Variants in VAMP7 observed in about 807,000 individuals in gnomAD.
VAMP7 encodes vesicle-associated membrane protein 7.
VAMP7 carries 14 observed loss-of-function variants against 29.6 expected under a neutral mutation model. That is an observed-to-expected ratio of 0.47 (90% confidence interval 0.31 to 0.74). The LOEUF (loss-of-function observed/expected upper bound fraction) is 0.74. Among genes scored for constraint, VAMP7 ranks in the 30% least tolerant of loss-of-function variants. VAMP7 has a pLI of 0.05. For synonymous variants in VAMP7, 95 were observed against 88.1 expected (o/e 1.08, Z -0.44); for missense variants, 223 against 262.4 (o/e 0.85, Z 1.04).
intron 2 of VAMP7, among the ~76,000 whole-genome samples, chrX:155,892,060 G>C (rs1440093429): frequency 6.6e-6 from 1 of 152,138 alleles, no homozygotes; most frequent in Non-Finnish European, 1.5e-5. Context: ...CCAGAATTTA[G>C]TCACAGCCAT....
At chrX:155,884,788 A>G (rs2065846924) in intron 1 of VAMP7, among the ~76,000 whole-genome samples, 2 of 152,212 alleles carry the variant, frequency 1.3e-5, no homozygotes, top group East Asian at 3.9e-4. Context: ...ATTTCTCAAA[A>G]CACATGGACT....
At chrX:155,914,670 A>T (rs2066285415) in intron 5 of VAMP7, among the ~76,000 whole-genome samples, 1 of 151,988 alleles carries the variant, frequency 6.6e-6, no homozygotes. Context: ...ACGTTTATTG[A>T]TTTGCGTATG....
At chrX:155,940,847 CAG>C (rs1342903683) in intron 7 of VAMP7, among the ~76,000 whole-genome samples, 1 of 152,092 alleles carries the variant, frequency 6.6e-6, no homozygotes, top group African/African-American at 2.4e-5. Flanking sequence ...CATTAATAAA[CAG>C]AATTTGCTGT....
chrX:155,903,202 G>T (rs1400971757), intron 5 of VAMP7, among the ~76,000 whole-genome samples: 1 of 152,030 alleles, frequency 6.6e-6, no homozygotes, highest in African/African-American at 2.4e-5. Flanking sequence ...ATTTCTGTGG[G>T]ATCGGTGGTG....
At chrX:155,912,218 C>T (rs1450347730) in intron 5 of VAMP7, among the ~76,000 whole-genome samples, 1 of 151,664 alleles carries the variant, frequency 6.6e-6, no homozygotes, top group Non-Finnish European at 1.5e-5. Context: ...TTTTTGATAC[C>T]TTGAACTATA....
intron 2 of VAMP7, among the ~76,000 whole-genome samples, chrX:155,894,610 T>C (rs970277760): frequency 2.0e-5 from 3 of 151,816 alleles, no homozygotes; most frequent in African/African-American, 4.8e-5. Flanking sequence ...CTTTGCTCAC[T>C]TTTTTTTGTT....
chrX:155,889,435 C>A, intron 1 of VAMP7, 23 bp from the exon 2 acceptor site: 1 of 1,606,454 alleles, frequency 6.2e-7, no homozygotes. Context: ...TATTCTAAAT[C>A]TGTGTCTTTT....
rs772345066 is a variant in VAMP7 at position 155,919,818 on chromosome X, G to T, written c.439G>T (p.Val147Leu). Residue 147 changes from valine to leucine, a missense_variant, in exon 6 of 8, where the codon GTA becomes TTA. By Grantham distance (32) the Val-to-Leu change is conservative. Coordinates refer to ENST00000286448, the MANE Select transcript of VAMP7 (RefSeq NM_005638.6). Reference sequence around the variant, plus strand: ...TACTTTTCCAATATTTTCAGATCTGGTAGCTCAGCGAGGAGAAAGATTGGA... The same window carrying T: ...TACTTTTCCAATATTTTCAGATCTGTTAGCTCAGCGAGGAGAAAGATTGGA... ...KGIMVRNIDL[V>L]AQRGERLELL... 6.2e-7 allele frequency: 1 copy of T among 1,612,434 alleles called. No homozygotes were observed. Among genetic ancestry groups the T allele is most frequent in the Admixed American group, 1.7e-5 (1 of 59,774 alleles).
intron 5 of VAMP7, among the ~76,000 whole-genome samples, chrX:155,909,608 C>T (rs1430763317): frequency 6.6e-6 from 1 of 152,144 alleles, no homozygotes; most frequent in Non-Finnish European, 1.5e-5. Context: ...TTAGCTCAGG[C>T]TGCCATAACA....
chrX:155,895,912 C>T (rs1368408449), intron 3 of VAMP7, among the ~76,000 whole-genome samples: 2 of 151,994 alleles, frequency 1.3e-5, no homozygotes, highest in East Asian at 3.9e-4. Context: ...GAGTGTGAAC[C>T]CTGTTGTGAA....
intron 5 of VAMP7, among the ~76,000 whole-genome samples, chrX:155,911,563 T>C (rs2066238086): frequency 6.6e-6 from 1 of 152,150 alleles, no homozygotes. Flanking sequence ...TTTAATAATA[T>C]ACATTCTTAT....
At chrX:155,939,170 G>T (rs1157275234) in intron 6 of VAMP7, among the ~76,000 whole-genome samples, 1 of 152,066 alleles carries the variant, frequency 6.6e-6, no homozygotes, top group Non-Finnish European at 1.5e-5. Flanking sequence ...AACTCCTTGT[G>T]TCCTGGTGGG....
chrX:155,895,206 T>C (rs2065971862), intron 2 of VAMP7, among the ~76,000 whole-genome samples: 1 of 152,206 alleles, frequency 6.6e-6, no homozygotes, highest in South Asian at 2.1e-4. Context: ...TCAAAGTGGA[T>C]ACTCAAATGT....
At chrX:155,894,312 T>G (rs757429646) in intron 2 of VAMP7, among the ~76,000 whole-genome samples, 13 of 150,768 alleles carry the variant, frequency 8.6e-5, no homozygotes, top group East Asian at 3.9e-4. Context: ...TTTTTTTTTT[T>G]TTTTTTTTTT....
At chrX:155,883,214 T>G (rs2065824747) in intron 1 of VAMP7, among the ~76,000 whole-genome samples, 1 of 152,194 alleles carries the variant, frequency 6.6e-6, no homozygotes, top group Non-Finnish European at 1.5e-5. Context: ...AATGACATGA[T>G]TTATACAAGG....
At chrX:155,900,388 A>C (rs1438192198) in intron 4 of VAMP7, 109 bp from the exon 5 acceptor site, 2 of 820,026 alleles carry the variant, frequency 2.4e-6, no homozygotes, top group African/African-American at 3.5e-5. Flanking sequence ...ATATCAATAG[A>C]GACATAATTT....
At chrX:155,909,564 A>T (rs1277062394) in intron 5 of VAMP7, among the ~76,000 whole-genome samples, 3 of 152,180 alleles carry the variant, frequency 2.0e-5, no homozygotes, top group Non-Finnish European at 2.9e-5. Context: ...GTAGAAAGTT[A>T]AGTTGTTAGG....
At chrX:155,903,075 A>G (rs1281179593) in intron 5 of VAMP7, among the ~76,000 whole-genome samples, 1 of 151,924 alleles carries the variant, frequency 6.6e-6, no homozygotes, top group Non-Finnish European at 1.5e-5. Context: ...CAGAGATTCA[A>G]CTTCTTCCTG....
intron 1 of VAMP7, among the ~76,000 whole-genome samples, chrX:155,881,762 C>A (rs1453221297): frequency 1.4e-4 from 22 of 152,126 alleles, no homozygotes; most frequent in Admixed American, 1.4e-3. Context: ...CTCTTGAGAT[C>A]GCCAGAGTCT....
Sources: gnomAD v4.1 joint callset for allele counts (sites outside exome capture counted in the v4.1 genomes callset) on GRCh38, gnomAD v4.1.1 for gene constraint, MANE v1.5 for transcripts, NCBI Gene and HGNC (gene_info 2026-07-23, HGNC 2026-07-21) for gene names.